ADHFE1: variants seen among roughly 807,000 people sequenced by gnomAD.
ADHFE1 encodes the protein alcohol dehydrogenase iron containing 1, also known as hydroxyacid-oxoacid transhydrogenase, mitochondrial.
Under a neutral mutation model 54.8 loss-of-function variants are expected in ADHFE1, and 37 were observed. That is an observed-to-expected ratio of 0.68 (90% CI 0.52 to 0.89). ADHFE1 has a LOEUF of 0.89. ADHFE1 is among the 40% of genes least tolerant of loss of function. The pLI, the probability that ADHFE1 is intolerant of heterozygous loss-of-function variation, is 0.00. For synonymous variants in ADHFE1, 203 were observed against 229.3 expected, an observed-to-expected ratio of 0.89 and a Z score of 1.04; for missense variants, 601 against 591.2, an observed-to-expected ratio of 1.02 and a Z score of -0.17.
chr8:66,461,600 G>A (rs1295212829), intron 13 of ADHFE1, among the ~76,000 whole-genome samples: 4 of 151,988 alleles, frequency 2.6e-5, no homozygotes, highest in East Asian at 1.9e-4. Flanking sequence ...GTCATGTAAG[G>A]CCTTAGGGAG....
At chr8:66,446,719 T>C (rs190210976) in intron 6 of ADHFE1, among the ~76,000 whole-genome samples, 138 of 152,332 alleles carry the variant, frequency 9.1e-4, no homozygotes, top group Admixed American at 1.8e-3. Context: ...TACATGCATA[T>C]TAAACACACA....
Position 66,452,046 on chromosome 8 carries a change from C to T in ADHFE1, c.828C>T (p.Asn276=). 6.2e-7 allele frequency: 1 copy of T among 1,614,210 alleles called. No homozygotes were observed. The highest frequency in any genetic ancestry group is 8.5e-7 in the Non-Finnish European group (1 of 1,180,042). ...CACGGCCTGCGTACCAGGGCAGCAA[C>T]CCAATCAGTGACATTTGGGCTATCC... ...PITRPAYQGS[N]PISDIWAIHA... The change falls in exon 9 of 14, where the codon AAC becomes AAT. Residue 276 remains asparagine (N), a synonymous_variant. Coordinates refer to ENST00000396623, the MANE Select transcript of ADHFE1 (RefSeq NM_144650.3).
At chr8:66,435,009 C>T (rs1408500998) in intron 1 of ADHFE1, among the ~76,000 whole-genome samples, 1 of 152,138 alleles carries the variant, frequency 6.6e-6, no homozygotes, top group Non-Finnish European at 1.5e-5. Context: ...CAATGCAGCC[C>T]TGCTTTGACT....
At chr8:66,459,202 A>G (rs1806752656) in intron 12 of ADHFE1, among the ~76,000 whole-genome samples, 1 of 152,108 alleles carries the variant, frequency 6.6e-6, no homozygotes, top group Non-Finnish European at 1.5e-5. Flanking sequence ...CATAGACTTC[A>G]TATAATGCTA....
chr8:66,467,254 G>A (rs1807244203), intron 13 of ADHFE1, among the ~76,000 whole-genome samples: 1 of 152,170 alleles, frequency 6.6e-6, no homozygotes, highest in South Asian at 2.1e-4. Flanking sequence ...GCAGAGCAAG[G>A]GAAAGGGGAA....
chr8:66,461,112 G>A (rs1420858404), intron 13 of ADHFE1, among the ~76,000 whole-genome samples: 1 of 152,162 alleles, frequency 6.6e-6, no homozygotes, highest in Non-Finnish European at 1.5e-5. Context: ...TCCCTCAGTG[G>A]ACCTCTCTTG....
intron 6 of ADHFE1, 77 bp downstream of exon 6, chr8:66,445,491 T>G (rs1168598546): frequency 7.3e-7 from 1 of 1,367,114 alleles, no homozygotes; most frequent in African/African-American, 1.5e-5. Context: ...AGCCAGTCCT[T>G]TTAACATACA....
intron 9 of ADHFE1, among the ~76,000 whole-genome samples, chr8:66,453,428 C>G (rs1405103425): frequency 2.0e-5 from 3 of 152,208 alleles, no homozygotes; most frequent in Non-Finnish European, 4.4e-5. Flanking sequence ...CAGGCTTCTT[C>G]CCTGGGGCAA....
chr8:66,453,826 T>A, intron 9 of ADHFE1: 11 of 1,448,448 alleles, frequency 7.6e-6, no homozygotes, highest in East Asian at 6.5e-5. Context: ...TTACATCACA[T>A]GAGCAGCTGA....
chr8:66,468,445 AT>A lies in ADHFE1; in HGVS notation c.*94del, dbSNP rs1807311505. ...GGGCTTTGTCTTTTCATCTTTGCGC[AT>A]AACTTACCTGTTACCAGTATAGGTG... On this transcript the variant is annotated 3_prime_UTR_variant, in exon 14 of 14. Coordinates refer to ENST00000396623, the MANE Select transcript of ADHFE1 (RefSeq NM_144650.3). 2 of 980,694 alleles carry A rather than the reference AT, an allele frequency of 2.0e-6. No homozygotes were observed. The highest frequency in any genetic ancestry group is 2.9e-5 in the Admixed American group (1 of 34,186). 60.7% of individuals were successfully genotyped at this position (980,694 alleles called of 1,614,324 possible).
At chr8:66,433,479 C>A (rs1486939413) in intron 1 of ADHFE1, among the ~76,000 whole-genome samples, 1 of 152,180 alleles carries the variant, frequency 6.6e-6, no homozygotes, top group Non-Finnish European at 1.5e-5. Flanking sequence ...ATAATAGTAA[C>A]TCTAATCCTT....
chr8:66,444,563 A>G, intron 4 of ADHFE1, 31 bp from the exon 5 acceptor site: 1 of 1,613,442 alleles, frequency 6.2e-7, no homozygotes, highest in Non-Finnish European at 8.5e-7. Flanking sequence ...GTTCTAGTGG[A>G]GTTGAACCTA....
intron 6 of ADHFE1, among the ~76,000 whole-genome samples, chr8:66,446,576 CAG>C (rs1806037034): frequency 2.0e-5 from 3 of 152,168 alleles, no homozygotes; most frequent in Admixed American, 6.5e-5. Flanking sequence ...CATGTTAACA[CAG>C]GTACAGAGAT....
At chr8:66,432,881 G>C (rs973194853) in intron 1 of ADHFE1, 17 of 1,198,004 alleles carry the variant, frequency 1.4e-5, no homozygotes, top group African/African-American at 3.1e-5. Flanking sequence ...CGGTGGCCAA[G>C]ACAAATTCAT....
chr8:66,460,596 C>T, intron 13 of ADHFE1, 131 bp downstream of exon 13: 1 of 1,090,580 alleles, frequency 9.2e-7, no homozygotes, highest in Non-Finnish European at 1.3e-6. Context: ...TCCTCCACAG[C>T]AGACAGCAGT....
chr8:66,448,043 A>G (rs981750029), intron 7 of ADHFE1, among the ~76,000 whole-genome samples: 13 of 152,144 alleles, frequency 8.5e-5, no homozygotes, highest in Non-Finnish European at 1.0e-4. Context: ...AAGTTTCCTC[A>G]TGCTCCGTCC....
intron 13 of ADHFE1, among the ~76,000 whole-genome samples, chr8:66,465,469 G>A (rs1366001858): frequency 6.6e-6 from 1 of 152,100 alleles, no homozygotes; most frequent in African/African-American, 2.4e-5. Flanking sequence ...AAATGACTAA[G>A]GATGGTGAGC....
Position 66,445,432 on chromosome 8 carries a change from C to G in ADHFE1, c.550+18C>G, listed in dbSNP as rs144552111. On this transcript the variant is annotated intron_variant, in intron 6 of 13. Coordinates refer to ENST00000396623, the MANE Select transcript of ADHFE1 (RefSeq NM_144650.3). ...GATTGCAGGTAAAGACTGTTTATTT[C>G]TTTGTTTGTTTTATTTTGCAATGAG... The G allele has an allele frequency of 4.4e-5, 69 of 1,582,462 alleles. No individual in the cohort carries two copies. The highest frequency in any genetic ancestry group is 5.5e-5 in the Non-Finnish European group (64 of 1,167,514).
At chr8:66,460,627 C>T (rs569731549) in intron 13 of ADHFE1, among the ~76,000 whole-genome samples, 162 bp downstream of exon 13, 207 of 152,338 alleles carry the variant, frequency 1.4e-3, no homozygotes, top group African/African-American at 4.7e-3. Flanking sequence ...CCTGGTGCAA[C>T]AGGGCCAGGC....
Sources: allele counts gnomAD v4.1 joint callset (sites outside exome capture counted in the v4.1 genomes callset), GRCh38; gene constraint gnomAD v4.1.1; transcripts MANE v1.5; gene names NCBI Gene and HGNC (gene_info 2026-07-23, HGNC 2026-07-21).